The following ABCB10 variants were observed in gnomAD, a reference collection of about 807,000 sequenced individuals.
The protein encoded by ABCB10 is ATP binding cassette subfamily B member 10, also known as ATP-binding cassette sub-family B member 10, mitochondrial.
Under a neutral mutation model 65.4 loss-of-function variants are expected in ABCB10, and 54 were observed. The observed-to-expected ratio is 0.83, with a 90% CI of 0.66 to 1.04. The LOEUF is 1.04. Ranked by LOEUF, ABCB10 falls within the 50% of genes least tolerant of loss-of-function variation. The pLI, the probability that ABCB10 is intolerant of heterozygous loss-of-function variation, is 0.00. For missense variants in ABCB10, 846 were observed against 976.6 expected (o/e 0.87, Z 1.78); for synonymous variants, 418 against 406.5 (o/e 1.03, Z -0.34).
At chr1:229,524,147 CAG>C (rs557147276) in intron 10 of ABCB10, among the ~76,000 whole-genome samples, 45 of 151,982 alleles carry the variant, frequency 3.0e-4, no homozygotes, top group Admixed American at 3.3e-4. Flanking sequence ...TCTGCTCAAA[CAG>C]AGACAAGTTT....
At chr1:229,555,312 C>T (rs975739571) in intron 1 of ABCB10, among the ~76,000 whole-genome samples, 1 of 152,172 alleles carries the variant, frequency 6.6e-6, no homozygotes, top group East Asian at 1.9e-4. Flanking sequence ...CCACACCCTG[C>T]TCCTCCTCAA....
At chr1:229,520,373 G>A (rs11589003) in intron 11 of ABCB10, among the ~76,000 whole-genome samples, 3 of 150,766 alleles carry the variant, frequency 2.0e-5, no homozygotes, top group East Asian at 2.0e-4. Flanking sequence ...GGGAGGCTGA[G>A]GCATGAGTAT....
chr1:229,525,835 A>G, intron 10 of ABCB10, 101 bp downstream of exon 10: 1 of 1,404,218 alleles, frequency 7.1e-7, no homozygotes, highest in Non-Finnish European at 9.7e-7. Context: ...AAGACTCAAG[A>G]CTCCGTCTCA....
intron 1 of ABCB10, 150 bp downstream of exon 1, chr1:229,557,986 T>A: frequency 1.2e-6 from 1 of 846,012 alleles, no homozygotes; most frequent in Non-Finnish European, 1.6e-6. Context: ...AGGTGAGCGA[T>A]CCCCTCCCTC....
Position 229,525,975 on chromosome 1 carries a change from AC to A in ABCB10, c.1866del (p.Phe623SerfsTer27), listed in dbSNP as rs749794068. The A allele has an allele frequency of 1.2e-6, 2 of 1,614,156 alleles. No individual in the cohort carries two copies. The highest frequency in any genetic ancestry group is 1.7e-6 in the Non-Finnish European group (2 of 1,180,016). On this transcript the variant is annotated frameshift_variant, in exon 10 of 13. Coordinates refer to ENST00000344517, the MANE Select transcript of ABCB10 (RefSeq NM_012089.3). LOFTEE classifies it high-confidence loss of function. ...CCCTTTTCTCCAACCACAGTGTTGA[AC>A]CCTTGGGGGAAATTCCGGATGAAGG... ...AVAFIRNFPQ[G>X]FNTVVGEKGV... is the part of the protein sequence containing the mutation.
At chr1:229,524,062 A>G (rs901285252) in intron 10 of ABCB10, among the ~76,000 whole-genome samples, 1 of 152,112 alleles carries the variant, frequency 6.6e-6, no homozygotes, top group Non-Finnish European at 1.5e-5. Context: ...CTTCAAATGA[A>G]AAGTTTAGCA....
chr1:229,556,130 C>T (rs1571805790), intron 1 of ABCB10, among the ~76,000 whole-genome samples: 1 of 152,112 alleles, frequency 6.6e-6, no homozygotes. Flanking sequence ...ATCCCAGCAC[C>T]TTTGGAAGGC....
intron 10 of ABCB10, among the ~76,000 whole-genome samples, chr1:229,525,288 C>T (rs1662413398): frequency 6.6e-6 from 1 of 152,178 alleles, no homozygotes; most frequent in Admixed American, 6.6e-5. Flanking sequence ...CTGGGCAAAT[C>T]ATCCTGCCAC....
chr1:229,540,728 C>T lies in ABCB10; in HGVS notation c.1081G>A (p.Val361Ile). 3.1e-6 allele frequency: 5 copies of T among 1,613,652 alleles called. No individual in the cohort carries two copies. Among genetic ancestry groups the T allele is most frequent in the Non-Finnish European group, 4.2e-6 (5 of 1,179,972 alleles). The change falls in exon 5 of 13, where the codon GTA becomes ATA. Residue 361 changes from valine (V) to isoleucine (I), a missense_variant. Around this residue, in one of 2 missense-constraint regions of ABCB10, gnomAD observed 632 missense variants for 803.2 expected, o/e 0.79. Coordinates refer to ENST00000344517, the MANE Select transcript of ABCB10 (RefSeq NM_012089.3). ...TQLAEERIGN[V>I]RTVRAFGKEM... is the part of the protein sequence containing the mutation. ...TTCCCAAAAGCTCGAACAGTTCTTA[C>T]ATTTCCAATACGTTCCTCAGCTAGC...
chr1:229,558,380 C>A lies in ABCB10; in HGVS notation c.273G>T (p.Gly91=), dbSNP rs754175401. The part of the protein sequence containing the change: ...RGVLGLARLL[G]LWARGPGSCR... ...AGCTGCCGGGGCCGCGAGCCCACAG[C>A]CCCAGGAGCCGCGCGAGGCCCAGGA... The change falls in exon 1 of 13, where the codon GGG becomes GGT. Residue 91 remains glycine, a synonymous_variant. Transcript: ENST00000344517. The A allele has an allele frequency of 3.3e-4, 406 of 1,242,774 alleles. 7 individuals are homozygous for A. In the South Asian group the frequency reaches 5.4e-3, roughly 17 times the overall value. 77.0% of individuals were successfully genotyped at this position (1,242,774 alleles called of 1,614,324 possible).
chr1:229,522,210 T>C (rs10916507), intron 10 of ABCB10, among the ~76,000 whole-genome samples: 3,171 of 151,946 alleles, frequency 0.021, 104 homozygotes, highest in African/African-American at 0.072. Flanking sequence ...TTTAATGTTT[T>C]TATTTTAAAT....
Position 229,526,053 on chromosome 1 carries a change from AG to A in ABCB10, c.1788del (p.Ser597LeufsTer2). The A allele has an allele frequency of 6.2e-7, 1 of 1,614,232 alleles. No homozygotes were observed. Among genetic ancestry groups the A allele is most frequent in the Non-Finnish European group, 8.5e-7 (1 of 1,180,044 alleles). On this transcript the variant is annotated frameshift_variant, in exon 10 of 13. Transcript: ENST00000344517. LOFTEE classifies it high-confidence loss of function. ...CTCTGGATTTCCTCAGCGGTCACAGAGGAAGGGTCATCAGCACCATAAGCAA... is the reference window on the plus strand; with the variant it reads ...CTCTGGATTTCCTCAGCGGTCACAGAGAAGGGTCATCAGCACCATAAGCAA... ...ENIAYGADDP[S>X]SVTAEEIQRV... is the part of the protein sequence containing the mutation.
At chr1:229,522,848 A>ATTC (rs34806226) in intron 10 of ABCB10, among the ~76,000 whole-genome samples, 38,085 of 151,754 alleles carry the variant, frequency 0.25, 5,249 homozygotes, top group African/African-American at 0.35. Context: ...CATTATAGCA[A>ATTC]TTCTTTTTTT....
chr1:229,532,818 C>T (rs1429243200), intron 6 of ABCB10, among the ~76,000 whole-genome samples: 2 of 152,100 alleles, frequency 1.3e-5, no homozygotes, highest in East Asian at 3.8e-4. Context: ...GAGGTTAAGG[C>T]TGCAATGAGG....
At position 229,539,591 on chromosome 1, in the gene ABCB10, T is replaced by C. The variant is rs1238338188; in HGVS notation, c.1204A>G (p.Thr402Ala). The change falls in exon 6 of 13, where the codon ACT becomes GCT. Residue 402 changes from threonine to alanine, a missense_variant and splice_region_variant. By Grantham distance (58) the Thr-to-Ala change is moderately conservative (BLOSUM62 0). Coordinates refer to ENST00000344517, the MANE Select transcript of ABCB10 (RefSeq NM_012089.3). ...ACGATCAGGTTTCCGGAGAGCCCAG[T>C]CTGTCGAATGAAGAAAACACAGAAG... ...AFARAGFFGA[T>A]GLSGNLIVLS... is the part of the protein sequence containing the mutation. The C allele has an allele frequency of 6.2e-7, 1 of 1,612,470 alleles. No homozygotes were observed. The highest frequency in any genetic ancestry group is 2.2e-5 in the East Asian group (1 of 44,842).
intron 5 of ABCB10, among the ~76,000 whole-genome samples, chr1:229,540,306 C>T (rs1468355161): frequency 1.3e-5 from 2 of 152,154 alleles, no homozygotes; most frequent in East Asian, 3.8e-4. Flanking sequence ...CCCAGCAGAC[C>T]TGGGGTGGAG....
At chr1:229,532,067 C>T (rs557267978) in intron 6 of ABCB10, among the ~76,000 whole-genome samples, 1 of 151,906 alleles carries the variant, frequency 6.6e-6, no homozygotes, top group African/African-American at 2.4e-5. Flanking sequence ...ATTCTCCTGC[C>T]TTAGCCTCCC....
At chr1:229,527,357 G>C (rs765931948) in intron 8 of ABCB10, 49 bp from the exon 9 acceptor site, 3 of 1,510,422 alleles carry the variant, frequency 2.0e-6, no homozygotes, top group Non-Finnish European at 2.7e-6. Context: ...TGATGAGGCT[G>C]ATGACCAACA....
At chr1:229,549,685 T>A (rs1422073554) in intron 1 of ABCB10, among the ~76,000 whole-genome samples, 3 of 152,224 alleles carry the variant, frequency 2.0e-5, no homozygotes, top group Non-Finnish European at 4.4e-5. Flanking sequence ...CTTCTTAGTC[T>A]GATCAACTCT....
Sources: gnomAD v4.1 joint callset for allele counts (sites outside exome capture counted in the v4.1 genomes callset) on GRCh38, gnomAD v4.1.1 for gene constraint, gnomAD v4.1.1 regional missense constraint, MANE v1.5 for transcripts, NCBI Gene and HGNC (gene_info 2026-07-23, HGNC 2026-07-21) for gene names.